Variants in RBPMS observed in about 807,000 individuals in gnomAD.
RBPMS encodes the protein RNA-binding protein with multiple splicing.
Under a neutral mutation model 26.8 loss-of-function variants are expected in RBPMS, and 7 were observed. The observed-to-expected ratio is 0.26, with a 90% CI of 0.15 to 0.49. The LOEUF is 0.49. Among genes scored for constraint, RBPMS ranks in the 20% least tolerant of loss-of-function variants. RBPMS has a pLI of 0.98. For synonymous variants in RBPMS, 96 were observed against 93.3 expected (o/e 1.03, Z -0.17); for missense variants, 186 against 250.0 (o/e 0.74, Z 1.73).
At chr8:30,461,587 G>A (rs1419223344) in intron 1 of RBPMS, among the ~76,000 whole-genome samples, 2 of 152,114 alleles carry the variant, frequency 1.3e-5, no homozygotes, top group African/African-American at 2.4e-5. Flanking sequence ...AGTAGAGACA[G>A]GGTTTCACCA....
At chr8:30,454,098 C>G (rs7820148) in intron 1 of RBPMS, among the ~76,000 whole-genome samples, 1 of 151,944 alleles carries the variant, frequency 6.6e-6, no homozygotes, top group Non-Finnish European at 1.5e-5. Context: ...TTTTTTTGAA[C>G]TCATATCATC....
At chr8:30,513,782 T>G (rs1821989414) in intron 5 of RBPMS, among the ~76,000 whole-genome samples, 1 of 152,158 alleles carries the variant, frequency 6.6e-6, no homozygotes, top group Non-Finnish European at 1.5e-5. Flanking sequence ...CTTAATTATT[T>G]GATGACCATT....
At chr8:30,521,441 C>T (rs1033318046) in intron 5 of RBPMS, among the ~76,000 whole-genome samples, 1 of 152,286 alleles carries the variant, frequency 6.6e-6, no homozygotes, top group African/African-American at 2.4e-5. Context: ...ATTTAGTTGA[C>T]TTTTTCGTTG....
chr8:30,409,849 T>C (rs562480300), intron 1 of RBPMS, among the ~76,000 whole-genome samples: 3 of 151,988 alleles, frequency 2.0e-5, no homozygotes, highest in Admixed American at 2.0e-4. Flanking sequence ...GCCAGGCTGG[T>C]CTCGATCTCC....
intron 5 of RBPMS, among the ~76,000 whole-genome samples, chr8:30,507,360 A>G (rs1821174704): frequency 6.6e-6 from 1 of 152,208 alleles, no homozygotes; most frequent in Non-Finnish European, 1.5e-5. Flanking sequence ...TGGGCTGAGG[A>G]TTAAATAGAT....
intron 7 of RBPMS, among the ~76,000 whole-genome samples, chr8:30,561,277 C>T (rs567217657): frequency 6.6e-6 from 1 of 152,176 alleles, no homozygotes; most frequent in African/African-American, 2.4e-5. Context: ...TCTTCATATG[C>T]CCATAATTGA....
intron 5 of RBPMS, among the ~76,000 whole-genome samples, chr8:30,514,680 C>CTGTTTTTTTTTT: frequency 1.2e-5 from 1 of 82,652 alleles, no homozygotes; most frequent in Non-Finnish European, 2.3e-5. Flanking sequence ...CCATGCCGGG[C>CTGTTTTTTTTTT]TTTTTTTTTT....
At chr8:30,408,777 A>T (rs1490022199) in intron 1 of RBPMS, among the ~76,000 whole-genome samples, 1 of 152,194 alleles carries the variant, frequency 6.6e-6, no homozygotes, top group Admixed American at 6.5e-5. Context: ...AGAGCTGTGG[A>T]ACTATCACCA....
At chr8:30,525,712 G>T (rs1435642521) in intron 5 of RBPMS, among the ~76,000 whole-genome samples, 2 of 152,238 alleles carry the variant, frequency 1.3e-5, no homozygotes, top group Non-Finnish European at 2.9e-5. Context: ...GGGAACGTAG[G>T]TAGGTGACTC....
chr8:30,492,526 A>C (rs1041902565), intron 4 of RBPMS, among the ~76,000 whole-genome samples: 1 of 152,206 alleles, frequency 6.6e-6, no homozygotes, highest in African/African-American at 2.4e-5. Flanking sequence ...ATATGAAATT[A>C]GTAAGTATTT....
intron 1 of RBPMS, among the ~76,000 whole-genome samples, chr8:30,419,067 GA>G (rs1284042952): frequency 0.064 from 7,222 of 113,150 alleles, 218 homozygotes; most frequent in Non-Finnish European, 0.094. Context: ...ATTATCAGTT[GA>G]AAAAAAAAAA....
At chr8:30,508,156 A>ATG (rs1821249092) in intron 5 of RBPMS, among the ~76,000 whole-genome samples, 1 of 152,202 alleles carries the variant, frequency 6.6e-6, no homozygotes, top group Non-Finnish European at 1.5e-5. Flanking sequence ...GACACCAGGT[A>ATG]TGTATATACA....
intron 7 of RBPMS, chr8:30,565,530 T>A (rs564802097): frequency 6.6e-6 from 1 of 152,346 alleles, no homozygotes; most frequent in East Asian, 1.9e-4. Context: ...GGCACTGGAA[T>A]CCTTGCTGTA....
At chr8:30,529,837 T>C (rs1451942955) in intron 5 of RBPMS, among the ~76,000 whole-genome samples, 2 of 151,814 alleles carry the variant, frequency 1.3e-5, no homozygotes, top group Non-Finnish European at 2.9e-5. Flanking sequence ...CACCGCATCC[T>C]TTGCTTTCCA....
At chr8:30,468,126 T>C (rs536602274) in intron 1 of RBPMS, among the ~76,000 whole-genome samples, 1 of 152,362 alleles carries the variant, frequency 6.6e-6, no homozygotes, top group South Asian at 2.1e-4. Flanking sequence ...GATATCTACT[T>C]ACTCAGCTTT....
chr8:30,549,370 CG>C (rs1826110040), intron 6 of RBPMS: 1 of 752,838 alleles, frequency 1.3e-6, no homozygotes, highest in Admixed American at 2.0e-5. Context: ...TGTGGCTATC[CG>C]GAAAACGACA....
intron 4 of RBPMS, among the ~76,000 whole-genome samples, chr8:30,487,411 C>T (rs948754435): frequency 6.6e-6 from 1 of 152,184 alleles, no homozygotes; most frequent in African/African-American, 2.4e-5. Context: ...CATTTTAAAA[C>T]CTTAGGGAGT....
rs548609140 is a variant in RBPMS, at chr8:30,558,060, C to T, written c.529-827C>T. ...TGTATTTTTAGTAGAGATGAGGTCT[C>T]TCCATGTTGGTCAGGCTGGTCTTGA... On this transcript the variant is annotated intron_variant, in intron 6 of 8. Coordinates refer to ENST00000397323, the MANE Select transcript of RBPMS (RefSeq NM_001008710.3). 3.9e-5 allele frequency: 6 copies of T among 152,362 alleles called. No individual in the cohort carries two copies. The East Asian group carries it at 1.2e-3, about 29-fold the overall frequency. 9.4% of individuals were successfully genotyped at this position (152,362 alleles called of 1,614,324 possible). A position where few individuals can be genotyped will look rare whatever the true frequency, so the allele number is the denominator to read the frequency against.
At chr8:30,503,491 T>TCAGG (rs950354867) in intron 4 of RBPMS, among the ~76,000 whole-genome samples, 1 of 151,590 alleles carries the variant, frequency 6.6e-6, no homozygotes, top group Non-Finnish European at 1.5e-5. Flanking sequence ...ACTCCCGAGC[T>TCAGG]CAGGCAATCC....
Sources: gnomAD v4.1 joint callset for allele counts (sites outside exome capture counted in the v4.1 genomes callset) on GRCh38, gnomAD v4.1.1 for gene constraint, MANE v1.5 for transcripts, NCBI Gene and HGNC (gene_info 2026-07-23, HGNC 2026-07-21) for gene names.